The following DIP2C variants were observed in gnomAD, a reference collection of about 807,000 sequenced individuals.
The protein encoded by DIP2C is disco-interacting protein 2 homolog C.
DIP2C carries 33 observed loss-of-function variants against 192.4 expected under a neutral mutation model. The observed-to-expected ratio is 0.17, with a 90% CI of 0.13 to 0.23. The LOEUF (loss-of-function observed/expected upper bound fraction) is 0.23, where lower values mean the gene tolerates loss of function less well. Ranked by LOEUF, DIP2C falls within the 10% of genes least tolerant of loss-of-function variation. The pLI, the probability that DIP2C is intolerant of heterozygous loss-of-function variation, is 1.00. For missense variants in DIP2C, 1,537 were observed against 2,110.1 expected (o/e 0.73, Z 5.32); for synonymous variants, 979 against 864.1 (o/e 1.13, Z -2.33).
intron 18 of DIP2C, among the ~76,000 whole-genome samples, chr10:366,719 C>T (rs1470095404): frequency 6.6e-6 from 1 of 152,176 alleles, no homozygotes; most frequent in Admixed American, 6.5e-5. Context: ...AACCTCAGAA[C>T]TAACATCAGG....
At chr10:481,812 C>T (rs1369421460) in intron 2 of DIP2C, among the ~76,000 whole-genome samples, 1 of 152,086 alleles carries the variant, frequency 6.6e-6, no homozygotes, top group Non-Finnish European at 1.5e-5. Context: ...CTCAGTGGGG[C>T]GGGGGGAAGT....
chr10:610,404 G>C (rs1853009538), intron 1 of DIP2C, among the ~76,000 whole-genome samples: 1 of 152,166 alleles, frequency 6.6e-6, no homozygotes, highest in Non-Finnish European at 1.5e-5. Context: ...ATGTCAGTGG[G>C]TCACCTACTG....
intron 2 of DIP2C, among the ~76,000 whole-genome samples, chr10:481,406 C>T (rs1263766126): frequency 4.6e-5 from 7 of 152,200 alleles, no homozygotes; most frequent in South Asian, 4.1e-4. Context: ...AAGCCCTCTC[C>T]GTGGCGACAG....
At chr10:611,510 A>G (rs1050063435) in intron 1 of DIP2C, among the ~76,000 whole-genome samples, 2 of 152,028 alleles carry the variant, frequency 1.3e-5, no homozygotes, top group African/African-American at 2.4e-5. Flanking sequence ...TCTCTGGCAA[A>G]CCAGATGGGG....
chr10:390,186 A>G (rs1418620724), intron 12 of DIP2C, 78 bp downstream of exon 12: 2 of 1,588,174 alleles, frequency 1.3e-6, no homozygotes, highest in South Asian at 2.2e-5. Context: ...GAATTTTGGC[A>G]CTCGTGTAAC....
rs867802994 is a variant in DIP2C, at chr10:418,159, G to C, written c.739+906C>G. ...TGTCCACCTGCACCTGTCAGAGCTC[G>C]GACAGGCCTCCCTGTCCACCTGCAC... On this transcript the variant is annotated intron_variant, in intron 6 of 36. Coordinates refer to ENST00000280886, the MANE Select transcript of DIP2C (RefSeq NM_014974.3). 2.6e-3 allele frequency among the ~76,000 whole-genome samples: 138 copies of C among 52,180 alleles called. 3 individuals are homozygous for C. Among genetic ancestry groups the C allele is most frequent in the Middle Eastern group, 8.5e-3 (1 of 118 alleles). The allele number at this position is 52,180 out of a possible 152,430, so 34.2% of individuals were successfully genotyped here.
intron 2 of DIP2C, among the ~76,000 whole-genome samples, chr10:480,643 C>T (rs1372489904): frequency 3.3e-5 from 5 of 152,210 alleles, no homozygotes; most frequent in African/African-American, 1.2e-4. Context: ...TGGAGACACA[C>T]CGCATGGCGT....
At chr10:424,252 A>C (rs1236897917) in intron 4 of DIP2C, among the ~76,000 whole-genome samples, 2 of 150,018 alleles carry the variant, frequency 1.3e-5, no homozygotes, top group Non-Finnish European at 3.0e-5. Flanking sequence ...ATACACACTT[A>C]TTATCACTGT....
intron 3 of DIP2C, among the ~76,000 whole-genome samples, chr10:459,538 A>G (rs1273452859): frequency 6.6e-6 from 1 of 152,204 alleles, no homozygotes; most frequent in Non-Finnish European, 1.5e-5. Flanking sequence ...CCTGCTGCAC[A>G]TGGGTTCTAG....
chr10:408,957 T>C lies in DIP2C; in HGVS notation c.1118A>G (p.Lys373Arg). ...TCCAGGCCGGACCATGGGTTCCTGC[T>C]TTGTGCCTAATTTGTGTAGAATGCT... ...AYSILHKLGT[K>R]QEPMVRPGDR... is the part of the protein sequence containing the mutation. The change falls in exon 9 of 37, where the codon AAG becomes AGG. Residue 373 changes from lysine (K) to arginine (R), a missense_variant. Lys to Arg is a conservative substitution (Grantham distance 26). Transcript: ENST00000280886. 1 of 1,614,232 alleles carries C rather than the reference T, an allele frequency of 6.2e-7. No homozygotes were observed. Among genetic ancestry groups the C allele is most frequent in the Non-Finnish European group, 8.5e-7 (1 of 1,180,042 alleles).
At chr10:640,573 G>A (rs897512667) in intron 1 of DIP2C, among the ~76,000 whole-genome samples, 6 of 152,186 alleles carry the variant, frequency 3.9e-5, no homozygotes, top group Admixed American at 2.6e-4. Context: ...CCGGGTAGAC[G>A]CGACGGGGGA....
At chr10:486,983 G>A (rs1246617978) in intron 1 of DIP2C, among the ~76,000 whole-genome samples, 1 of 152,254 alleles carries the variant, frequency 6.6e-6, no homozygotes. Flanking sequence ...ACAAGGACTT[G>A]AAGCCGCCAC....
intron 1 of DIP2C, among the ~76,000 whole-genome samples, chr10:503,938 T>C (rs1845417769): frequency 6.6e-6 from 1 of 152,230 alleles, no homozygotes; most frequent in South Asian, 2.1e-4. Flanking sequence ...CAAAGACTCA[T>C]TTCCACAGTA....
At chr10:618,130 G>C (rs542757446) in intron 1 of DIP2C, among the ~76,000 whole-genome samples, 11 of 152,328 alleles carry the variant, frequency 7.2e-5, no homozygotes, top group African/African-American at 1.9e-4. Context: ...AGTGAAACAA[G>C]TATCTTCAAC....
chr10:389,330 T>C (rs1033058591), intron 13 of DIP2C, among the ~76,000 whole-genome samples: 4 of 151,812 alleles, frequency 2.6e-5, no homozygotes, highest in African/African-American at 9.7e-5. Flanking sequence ...GTCCCCGGGG[T>C]CGCACCCTCC....
intron 29 of DIP2C, among the ~76,000 whole-genome samples, chr10:336,126 T>C (rs919818034): frequency 1.1e-4 from 17 of 152,204 alleles, no homozygotes; most frequent in African/African-American, 4.1e-4. Flanking sequence ...TCCAACACTT[T>C]GGGAGGCTGA....
intron 3 of DIP2C, among the ~76,000 whole-genome samples, chr10:448,875 G>A (rs1194240648): frequency 3.8e-5 from 3 of 79,678 alleles, no homozygotes; most frequent in Non-Finnish European, 4.4e-5. Context: ...CACTCCCGTC[G>A]ATACTCAGGA....
At position 554,195 on chromosome 10, in the gene DIP2C, G is replaced by GA. The variant is rs1848728894; in HGVS notation, c.86-67666dup. On this transcript the variant is annotated intron_variant, in intron 1 of 36. Transcript: ENST00000280886. Reference sequence around the variant, plus strand: ...CAAGCAAGAAATATACATCACAGGAGAAAAGGTATAGCTTGTAACTAACAG... The same window carrying GA: ...CAAGCAAGAAATATACATCACAGGAGAAAAAGGTATAGCTTGTAACTAACAG... Among the ~76,000 whole-genome samples the GA allele has an allele frequency of 3.3e-5, 5 of 151,606 alleles. No homozygotes were observed. The South Asian group carries it at 1.0e-3, about 32-fold the overall frequency.
chr10:556,051 T>C lies in DIP2C; in HGVS notation c.86-69521A>G, dbSNP rs865800670. 1.1e-3 allele frequency among the ~76,000 whole-genome samples: 163 copies of C among 143,012 alleles called. No homozygotes were observed. In the East Asian group the frequency reaches 0.016, roughly 14 times the overall value. The allele number at this position is 143,012 out of a possible 152,430, so 93.8% of individuals were successfully genotyped here. A position where few individuals can be genotyped will look rare whatever the true frequency, so the allele number is the denominator to read the frequency against. On this transcript the variant is annotated intron_variant, in intron 1 of 36. Transcript: ENST00000280886. ...AGCAGACTCCCTCACAGCACCCACC[T>C]CTCCCACAATCGGATCCCAGGACAG...
Sources: allele counts gnomAD v4.1 joint callset (sites outside exome capture counted in the v4.1 genomes callset), GRCh38; gene constraint gnomAD v4.1.1; transcripts MANE v1.5; gene names NCBI Gene and HGNC (gene_info 2026-07-23, HGNC 2026-07-21).